The following SLC4A10 variants were observed in gnomAD, a reference collection of about 807,000 sequenced individuals.
SLC4A10 encodes sodium-driven chloride bicarbonate exchanger.
A neutral mutation model predicts 137.7 loss-of-function variants in SLC4A10; 42 were observed. That is an observed-to-expected ratio of 0.30 (90% CI 0.24 to 0.39). The LOEUF is 0.39. SLC4A10 is among the 10% of genes least tolerant of loss of function. The pLI is 1.00. For synonymous variants in SLC4A10, 474 were observed against 464.1 expected, an observed-to-expected ratio of 1.02 and a Z score of -0.27; for missense variants, 925 against 1,355.0, an observed-to-expected ratio of 0.68 and a Z score of 4.98.
intron 1 of SLC4A10, among the ~76,000 whole-genome samples, chr2:161,747,077 G>A (rs1424809128): frequency 2.6e-5 from 4 of 152,038 alleles, no homozygotes; most frequent in Non-Finnish European, 5.9e-5. Flanking sequence ...GTCTCAGTGG[G>A]TTACATGCAC....
chr2:161,830,842 A>G (rs2058388819), intron 3 of SLC4A10, among the ~76,000 whole-genome samples: 1 of 152,212 alleles, frequency 6.6e-6, no homozygotes, highest in Non-Finnish European at 1.5e-5. Flanking sequence ...ACAATTAATT[A>G]TTAGTTGCAA....
chr2:161,933,239 CTTTCT>C lies in SLC4A10; in HGVS notation c.1998-9550_1998-9546del, dbSNP rs1295049795. On this transcript the variant is annotated intron_variant, in intron 15 of 26. Transcript: ENST00000446997. ...TCTTTCTTTCTTTCTTTCTTTCTTT[CTTTCT>C]TTCTTTCTTCTTTCTTTCTCCTTCC... Among the ~76,000 whole-genome samples, 4 of 100,448 alleles carry C rather than the reference CTTTCT, an allele frequency of 4.0e-5. No individual in the cohort carries two copies. In the East Asian group the frequency reaches 1.2e-3, roughly 29 times the overall value. 65.9% of individuals were successfully genotyped at this position (100,448 alleles called of 152,430 possible).
intron 11 of SLC4A10, among the ~76,000 whole-genome samples, chr2:161,895,755 G>C (rs1166543065): frequency 6.6e-6 from 1 of 152,026 alleles, no homozygotes; most frequent in Non-Finnish European, 1.5e-5. Flanking sequence ...CTTTTTGATG[G>C]GGTTGTTTGT....
chr2:161,683,727 A>G (rs1389748258), intron 1 of SLC4A10, among the ~76,000 whole-genome samples: 3 of 152,200 alleles, frequency 2.0e-5, no homozygotes, highest in Non-Finnish European at 4.4e-5. Flanking sequence ...CTTATAAGTT[A>G]TAAGCATTTT....
intron 3 of SLC4A10, among the ~76,000 whole-genome samples, chr2:161,809,397 A>G (rs1326336239): frequency 1.3e-5 from 2 of 151,918 alleles, no homozygotes; most frequent in Non-Finnish European, 2.9e-5. Flanking sequence ...CCACTTGTCA[A>G]TTTTTGTTTT....
Position 161,803,398 on chromosome 2 carries a change from G to A in SLC4A10, c.131-1051G>A, listed in dbSNP as rs184296654. Among the ~76,000 whole-genome samples, 288 of 142,178 alleles carry A rather than the reference G, an allele frequency of 2.0e-3. 2 individuals are homozygous for A. Among genetic ancestry groups the A allele is most frequent in the African/African-American group, 7.3e-3 (275 of 37,628 alleles). The allele number at this position is 142,178 out of a possible 152,430, so 93.3% of individuals were successfully genotyped here. A position where few individuals can be genotyped will look rare whatever the true frequency, so the allele number is the denominator to read the frequency against. On this transcript the variant is annotated intron_variant, in intron 2 of 26. Transcript: ENST00000446997. The stretch of plus-strand genomic sequence containing the variant: ...CAACCAAAGTCCATAGTTTACATTA[G>A]GGTTCACTCTGTGTTATACAGTTCT...
intron 15 of SLC4A10, among the ~76,000 whole-genome samples, chr2:161,924,708 C>T (rs1688749826): frequency 6.6e-6 from 1 of 152,118 alleles, no homozygotes; most frequent in Admixed American, 6.6e-5. Context: ...AATGTCTCTC[C>T]TATGACATTG....
chr2:161,891,194 G>A (rs1448424531), intron 10 of SLC4A10, among the ~76,000 whole-genome samples: 1 of 152,120 alleles, frequency 6.6e-6, no homozygotes, highest in Non-Finnish European at 1.5e-5. Context: ...CCCTTTGTAG[G>A]TAACCCGACC....
At chr2:161,699,081 G>A (rs756803055) in intron 1 of SLC4A10, among the ~76,000 whole-genome samples, 4 of 152,076 alleles carry the variant, frequency 2.6e-5, no homozygotes, top group East Asian at 1.9e-4. Flanking sequence ...GTGCAGTGGC[G>A]CGATCTCAGC....
At chr2:161,715,564 T>C (rs1323170374) in intron 1 of SLC4A10, among the ~76,000 whole-genome samples, 3 of 151,996 alleles carry the variant, frequency 2.0e-5, no homozygotes, top group Non-Finnish European at 4.4e-5. Flanking sequence ...TGTTCTCATC[T>C]TTCAGCTCCC....
intron 10 of SLC4A10, among the ~76,000 whole-genome samples, chr2:161,885,270 CAT>C (rs2062166439): frequency 7.1e-6 from 1 of 140,892 alleles, no homozygotes; most frequent in Non-Finnish European, 1.6e-5. Context: ...TATGTTGATT[CAT>C]AGTTTACTTT....
At chr2:161,760,380 A>G (rs1016736433) in intron 1 of SLC4A10, among the ~76,000 whole-genome samples, 3 of 152,058 alleles carry the variant, frequency 2.0e-5, no homozygotes, top group African/African-American at 4.8e-5. Context: ...ATACAAATAC[A>G]TATATACATA....
intron 1 of SLC4A10, among the ~76,000 whole-genome samples, chr2:161,694,397 T>C (rs889494362): frequency 1.3e-5 from 2 of 151,670 alleles, no homozygotes; most frequent in African/African-American, 4.8e-5. Context: ...TTTACTTCCC[T>C]TAAACCTCAC....
At chr2:161,895,757 G>C (rs886076757) in intron 11 of SLC4A10, among the ~76,000 whole-genome samples, 2 of 152,056 alleles carry the variant, frequency 1.3e-5, no homozygotes. Flanking sequence ...TTTTGATGGG[G>C]TTGTTTGTTT....
intron 3 of SLC4A10, among the ~76,000 whole-genome samples, chr2:161,829,694 A>AT (rs1280633527): frequency 6.6e-6 from 1 of 151,892 alleles, no homozygotes; most frequent in African/African-American, 2.4e-5. Flanking sequence ...TTTTTTCTAT[A>AT]TTTATGTATT....
At chr2:161,685,086 G>A (rs113090069) in intron 1 of SLC4A10, among the ~76,000 whole-genome samples, 7 of 152,108 alleles carry the variant, frequency 4.6e-5, no homozygotes, top group African/African-American at 7.2e-5. Context: ...TCTGTTTACC[G>A]CCTGGGAACT....
intron 14 of SLC4A10, 93 bp from the exon 15 acceptor site, chr2:161,905,549 C>T: frequency 6.7e-7 from 1 of 1,485,656 alleles, no homozygotes; most frequent in Non-Finnish European, 9.0e-7. Context: ...TTTACTTTCA[C>T]TTCCTGAATG....
At chr2:161,804,163 G>C (rs950057475) in intron 2 of SLC4A10, among the ~76,000 whole-genome samples, 1 of 152,046 alleles carries the variant, frequency 6.6e-6, no homozygotes, top group South Asian at 2.1e-4. Flanking sequence ...AATGAGAAGA[G>C]TATAATTAAG....
intron 2 of SLC4A10, among the ~76,000 whole-genome samples, chr2:161,788,202 G>A (rs1429150715): frequency 6.6e-6 from 1 of 151,916 alleles, no homozygotes; most frequent in East Asian, 1.9e-4. Flanking sequence ...TAGCCTTTGT[G>A]TGGTGGCTTT....
Sources: gnomAD v4.1 joint callset for allele counts (sites outside exome capture counted in the v4.1 genomes callset) on GRCh38, gnomAD v4.1.1 for gene constraint, MANE v1.5 for transcripts, NCBI Gene and HGNC (gene_info 2026-07-23, HGNC 2026-07-21) for gene names.